The following LMO7 variants were observed in gnomAD, a reference collection of about 807,000 sequenced individuals.
LMO7 encodes LIM domain 7.
In LMO7, 120 loss-of-function variants were observed where a neutral mutation model predicts 206.5. The ratio of observed to expected loss-of-function variants is 0.58; its 90% CI spans 0.50 to 0.68. The LOEUF is 0.68. Ranked by LOEUF, LMO7 falls within the 30% of genes least tolerant of loss-of-function variation. The probability of loss-of-function intolerance (pLI) is 0.00; values close to 1 mark genes in which losing one functional copy is unlikely to be tolerated. For synonymous variants in LMO7, 706 were observed against 681.5 expected (o/e 1.04, Z -0.56); for missense variants, 1,959 against 1,957.9 (o/e 1.00, Z -0.01).
At chr13:75,798,779 G>A (rs1279600499) in intron 6 of LMO7, among the ~76,000 whole-genome samples, 1 of 152,194 alleles carries the variant, frequency 6.6e-6, no homozygotes, top group Non-Finnish European at 1.5e-5. Context: ...TTGGAAGTTG[G>A]AGGTGACTCA....
intron 3 of LMO7, among the ~76,000 whole-genome samples, chr13:75,734,760 C>G (rs950716229): frequency 6.6e-6 from 1 of 152,200 alleles, no homozygotes; most frequent in East Asian, 1.9e-4. Flanking sequence ...TGCCTCCATT[C>G]TATATCTATC....
At chr13:75,769,531 A>G (rs1249640804) in intron 4 of LMO7, among the ~76,000 whole-genome samples, 2 of 152,132 alleles carry the variant, frequency 1.3e-5, no homozygotes, top group Non-Finnish European at 2.9e-5. Context: ...TACTAACATT[A>G]TTCTTAAATG....
intron 3 of LMO7, among the ~76,000 whole-genome samples, chr13:75,737,669 C>T (rs1399447114): frequency 3.0e-5 from 4 of 132,476 alleles, no homozygotes; most frequent in East Asian, 4.6e-4. Flanking sequence ...AGGAGGATGG[C>T]GTGAACCTGG....
chr13:75,707,921 G>A (rs2042783238), intron 1 of LMO7, among the ~76,000 whole-genome samples: 1 of 151,890 alleles, frequency 6.6e-6, no homozygotes, highest in South Asian at 2.1e-4. Flanking sequence ...ATCTTTTTGG[G>A]GGAGATGAAC....
chr13:75,643,921 T>G (rs1044456565), intron 1 of LMO7, among the ~76,000 whole-genome samples: 2 of 152,202 alleles, frequency 1.3e-5, no homozygotes, highest in Non-Finnish European at 2.9e-5. Flanking sequence ...ATTTTTATGT[T>G]GGTATACAGC....
At chr13:75,705,407 C>A (rs2042582007) in intron 1 of LMO7, among the ~76,000 whole-genome samples, 1 of 152,130 alleles carries the variant, frequency 6.6e-6, no homozygotes, top group Non-Finnish European at 1.5e-5. Flanking sequence ...TGTATCTCTT[C>A]AGATTATTTT....
At chr13:75,764,562 T>G (rs775702693) in intron 4 of LMO7, among the ~76,000 whole-genome samples, 4 of 152,110 alleles carry the variant, frequency 2.6e-5, no homozygotes, top group Admixed American at 6.5e-5. Context: ...AGCCTAGAGG[T>G]CCTGTATTGG....
At chr13:75,850,567 T>C (rs1383441206) in intron 27 of LMO7, among the ~76,000 whole-genome samples, 1 of 152,192 alleles carries the variant, frequency 6.6e-6, no homozygotes, top group East Asian at 1.9e-4. Flanking sequence ...TATATGACTA[T>C]TGAAGAATGA....
At chr13:75,776,172 T>TATATATATATATATATATCGG (rs1555317283) in intron 4 of LMO7, among the ~76,000 whole-genome samples, 10 of 47,112 alleles carry the variant, frequency 2.1e-4, no homozygotes, top group African/African-American at 8.0e-4. Flanking sequence ...GATATATATA[T>TATATATATATATATATATCGG]ATATATATAT....
chr13:75,843,631 A>G (rs754335093), intron 25 of LMO7, among the ~76,000 whole-genome samples: 19 of 152,384 alleles, frequency 1.2e-4, no homozygotes, highest in Non-Finnish European at 2.5e-4. Context: ...GTTTTGGGGA[A>G]TAAAGATAAA....
Position 75,821,281 on chromosome 13 carries a change from A to G in LMO7, c.2312A>G (p.Glu771Gly). 1 of 1,614,126 alleles carries G rather than the reference A, an allele frequency of 6.2e-7. No individual in the cohort carries two copies. Among genetic ancestry groups the G allele is most frequent in the African/African-American group, 1.3e-5 (1 of 75,064 alleles). ...GKRPPTMTVSEASYQSERVEE... is the reference protein window; with the variant it reads ...GKRPPTMTVSGASYQSERVEE... ...CGACCCCCTACAATGACTGTGTCAGAAGCAAGTTACCAGAGTGAGAGAGTA... is the reference window on the plus strand; with the variant it reads ...CGACCCCCTACAATGACTGTGTCAGGAGCAAGTTACCAGAGTGAGAGAGTA... Residue 771 changes from glutamate to glycine, a missense_variant, in exon 14 of 31, where the codon GAA becomes GGA. Coordinates refer to ENST00000377534, the MANE Select transcript of LMO7 (RefSeq NM_001306080.2).
chr13:75,718,711 T>A (rs75780194), intron 2 of LMO7, among the ~76,000 whole-genome samples: 1 of 152,174 alleles, frequency 6.6e-6, no homozygotes, highest in African/African-American at 2.4e-5. Context: ...TGGTTTTGGA[T>A]AAATGTGTAA....
intron 2 of LMO7, among the ~76,000 whole-genome samples, chr13:75,720,410 C>G (rs914935897): frequency 6.6e-6 from 1 of 152,126 alleles, no homozygotes; most frequent in African/African-American, 2.4e-5. Flanking sequence ...CATTGTCAAA[C>G]CTAAAGTCTC....
chr13:75,783,081 A>G (rs555569645), intron 4 of LMO7, among the ~76,000 whole-genome samples: 1 of 152,338 alleles, frequency 6.6e-6, no homozygotes, highest in East Asian at 1.9e-4. Context: ...CTTTTTCTGT[A>G]GCTAAGAAAA....
rs1266788599 is a variant in LMO7, at chr13:75,710,932, G to C, written c.70-2250G>C. On this transcript the variant is annotated intron_variant, in intron 1 of 30. Coordinates refer to ENST00000377534, the MANE Select transcript of LMO7 (RefSeq NM_001306080.2). ...CCCATTCATTATGATATTGTCTGTG[G>C]GTTTGTCATAGATAGCTCTTATTAT... Among the ~76,000 whole-genome samples the C allele has an allele frequency of 2.0e-5, 3 of 151,876 alleles. No homozygotes were observed. The South Asian group carries it at 6.2e-4, about 32-fold the overall frequency.
intron 1 of LMO7, among the ~76,000 whole-genome samples, chr13:75,698,307 T>TAA (rs1491472927): frequency 6.7e-6 from 1 of 149,872 alleles, no homozygotes; most frequent in Non-Finnish European, 1.5e-5. Context: ...ATAATATACT[T>TAA]ATATATTTTT....
chr13:75,661,213 T>A (rs2038564703), intron 1 of LMO7, among the ~76,000 whole-genome samples: 1 of 152,212 alleles, frequency 6.6e-6, no homozygotes, highest in Non-Finnish European at 1.5e-5. Flanking sequence ...GAGACTGGGT[T>A]TTCATCTTTG....
intron 4 of LMO7, among the ~76,000 whole-genome samples, chr13:75,783,562 A>G (rs538056475): frequency 1.3e-5 from 2 of 152,226 alleles, no homozygotes; most frequent in East Asian, 3.9e-4. Flanking sequence ...ACCTCAAGTG[A>G]TTACCCCACC....
intron 1 of LMO7, among the ~76,000 whole-genome samples, chr13:75,680,077 T>G (rs745624834): frequency 6.6e-6 from 1 of 152,170 alleles, no homozygotes; most frequent in Non-Finnish European, 1.5e-5. Context: ...GGCCCCAGTA[T>G]GTGTTGTTCC....
Sources: allele counts gnomAD v4.1 joint callset (sites outside exome capture counted in the v4.1 genomes callset), GRCh38; gene constraint gnomAD v4.1.1; transcripts MANE v1.5; gene names NCBI Gene and HGNC (gene_info 2026-07-23, HGNC 2026-07-21).